VANGL1: variants seen among roughly 807,000 people sequenced by gnomAD.
The protein encoded by VANGL1 is VANGL planar cell polarity protein 1.
Under a neutral mutation model 48.4 loss-of-function variants are expected in VANGL1, and 18 were observed. That is an observed-to-expected ratio of 0.37 (90% CI 0.26 to 0.55). VANGL1 has a LOEUF of 0.55. Ranked by LOEUF, VANGL1 falls within the 20% of genes least tolerant of loss-of-function variation. VANGL1 has a pLI of 0.81. For missense variants in VANGL1, 667 were observed against 675.8 expected (o/e 0.99, Z 0.14); for synonymous variants, 257 against 261.8 (o/e 0.98, Z 0.18).
intron 2 of VANGL1, among the ~76,000 whole-genome samples, chr1:115,658,320 A>G (rs1470372271): frequency 6.6e-6 from 1 of 152,222 alleles, no homozygotes. Context: ...TTCTATTTAC[A>G]TCTCTTTCTC....
At chr1:115,654,691 C>CTCCTTCTGTT (rs1175311779) in intron 2 of VANGL1, among the ~76,000 whole-genome samples, 2 of 152,082 alleles carry the variant, frequency 1.3e-5, no homozygotes, top group African/African-American at 4.8e-5. Context: ...CTGCCCCGAG[C>CTCCTTCTGTT]TCCTTCTGTT....
intron 4 of VANGL1, 115 bp from the exon 5 acceptor site, chr1:115,682,249 A>T (rs994629397): frequency 2.1e-5 from 30 of 1,414,974 alleles, no homozygotes; most frequent in Non-Finnish European, 2.9e-5. Flanking sequence ...GGACTTCTGT[A>T]TGAGATTATC....
rs1654062927 is a variant in VANGL1 at position 115,697,172 on chromosome 1, C to T, written c.*5793C>T. 2 of 152,180 alleles carry T rather than the reference C, an allele frequency of 1.3e-5. No homozygotes were observed. Among genetic ancestry groups the T allele is most frequent in the Non-Finnish European group, 2.9e-5 (2 of 68,038 alleles). 9.4% of individuals were successfully genotyped at this position (152,180 alleles called of 1,614,324 possible). A position where few individuals can be genotyped will look rare whatever the true frequency, so the allele number is the denominator to read the frequency against. ...GGAGTTAGTGATGGGACTTGGGCAT[C>T]TGATCTGCAGGTGACAAGTTTAGTT... On this transcript the variant is annotated 3_prime_UTR_variant, in exon 8 of 8. Transcript: ENST00000355485.
chr1:115,690,471 G>A (rs1485282006), intron 7 of VANGL1, among the ~76,000 whole-genome samples: 5 of 152,244 alleles, frequency 3.3e-5, no homozygotes, highest in Non-Finnish European at 7.3e-5. Flanking sequence ...CTGGCCATGT[G>A]CACACTTAGC....
rs1445701821 is a variant in VANGL1 at position 115,694,389 on chromosome 1, A to G, written c.*3010A>G. 2 of 152,182 alleles carry G rather than the reference A, an allele frequency of 1.3e-5. No individual in the cohort carries two copies. The highest frequency in any genetic ancestry group is 2.9e-5 in the Non-Finnish European group (2 of 68,062). 9.4% of individuals were successfully genotyped at this position (152,182 alleles called of 1,614,324 possible). ...TGACCTGGTGTGTTTGCTGTGTTGT[A>G]GTTCATTGCCTGGGGCTTGGGACTC... On this transcript the variant is annotated 3_prime_UTR_variant, in exon 8 of 8. Coordinates refer to ENST00000355485, the MANE Select transcript of VANGL1 (RefSeq NM_138959.3).
chr1:115,659,469 C>A (rs376700843), intron 2 of VANGL1, among the ~76,000 whole-genome samples, 172 bp from the exon 3 acceptor site: 2 of 151,406 alleles, frequency 1.3e-5, no homozygotes, highest in African/African-American at 4.9e-5. Context: ...CAGTGTACCC[C>A]TTGAAGTGTG....
rs758570825 is a variant in VANGL1 at position 115,691,374 on chromosome 1, G to A, written c.1570G>A (p.Val524Ile). 2 of 1,613,086 alleles carry A rather than the reference G, an allele frequency of 1.2e-6. No homozygotes were observed. Among genetic ancestry groups the A allele is most frequent in the Non-Finnish European group, 1.7e-6 (2 of 1,179,816 alleles). The change falls in exon 8 of 8, where the codon GTT becomes ATT. Residue 524 changes from valine to isoleucine, a missense_variant. Coordinates refer to ENST00000355485, the MANE Select transcript of VANGL1 (RefSeq NM_138959.3). ...FVLRLQSETS[V>I] ...CCTTCGCTTACAGTCTGAGACATCC[G>A]TTTAAAAGTTCTATATTTGTGGCTT...
In VANGL1 at chr1:115,691,565, A is replaced by T; in HGVS notation, c.*186A>T. ...AGGAAGCAGGGGCTGTCCACCCTGA[A>T]AAAGAGTGACTGATGACATCTGACT... is the stretch of plus-strand genomic sequence containing the variant. On this transcript the variant is annotated 3_prime_UTR_variant, in exon 8 of 8. Coordinates refer to ENST00000355485, the MANE Select transcript of VANGL1 (RefSeq NM_138959.3). 1 of 644,802 alleles carries T rather than the reference A, an allele frequency of 1.6e-6. No homozygotes were observed. Among genetic ancestry groups the T allele is most frequent in the Non-Finnish European group, 2.5e-6 (1 of 398,582 alleles). 39.9% of individuals were successfully genotyped at this position (644,802 alleles called of 1,614,324 possible).
At chr1:115,664,423 G>T (rs985090938) in intron 4 of VANGL1, among the ~76,000 whole-genome samples, 155 bp downstream of exon 4, 1 of 152,172 alleles carries the variant, frequency 6.6e-6, no homozygotes, top group Non-Finnish European at 1.5e-5. Flanking sequence ...GGTGGGGAGG[G>T]TGTCCATGTT....
Position 115,687,701 on chromosome 1 carries a change from T to TTC in VANGL1, c.1314+2178_1314+2179dup, listed in dbSNP as rs1188616709. 6.5e-5 allele frequency among the ~76,000 whole-genome samples: 5 copies of TTC among 77,002 alleles called. 1 individual carries two copies. The South Asian group carries it at 1.7e-3, about 26-fold the overall frequency. 50.5% of individuals were successfully genotyped at this position (77,002 alleles called of 152,430 possible). A position where few individuals can be genotyped will look rare whatever the true frequency, so the allele number is the denominator to read the frequency against. On this transcript the variant is annotated intron_variant, in intron 7 of 7. Coordinates refer to ENST00000355485, the MANE Select transcript of VANGL1 (RefSeq NM_138959.3). ...CAGAAATTGGGTCATTGCTCTCTCT[T>TTC]TCTCTGTGTGTGTGTGTGTGTGTGT...
At position 115,689,320 on chromosome 1, in the gene VANGL1, G is replaced by A. The variant is rs900718506; in HGVS notation, c.1315-1799G>A. Among the ~76,000 whole-genome samples the A allele has an allele frequency of 1.0e-4, 14 of 136,578 alleles. 4 individuals are homozygous for A. The highest frequency in any genetic ancestry group is 3.9e-4 in the African/African-American group (14 of 36,224). 89.6% of individuals were successfully genotyped at this position (136,578 alleles called of 152,430 possible). Reference sequence around the variant, plus strand: ...TGAAAAAAATATATACCTGGCAGTAGCAGCAGGGTGTGAATAAAAGAGGAT... The same window carrying A: ...TGAAAAAAATATATACCTGGCAGTAACAGCAGGGTGTGAATAAAAGAGGAT... On this transcript the variant is annotated intron_variant, in intron 7 of 7. Coordinates refer to ENST00000355485, the MANE Select transcript of VANGL1 (RefSeq NM_138959.3).
chr1:115,655,423 G>A (rs1652307592), intron 2 of VANGL1, among the ~76,000 whole-genome samples: 1 of 152,232 alleles, frequency 6.6e-6, no homozygotes, highest in Admixed American at 6.5e-5. Context: ...TCACACACGT[G>A]TGGTGCAGAC....
chr1:115,651,317 A>T lies in VANGL1; in HGVS notation c.-97A>T. On this transcript the variant is annotated 5_prime_UTR_variant, in exon 2 of 8. Coordinates refer to ENST00000355485, the MANE Select transcript of VANGL1 (RefSeq NM_138959.3). ...AAGAGTGGCTCCTCTTCTAATTTCCAGACTCCTTGAGGTTTTAGGAGTCTG... is the reference window on the plus strand; with the variant it reads ...AAGAGTGGCTCCTCTTCTAATTTCCTGACTCCTTGAGGTTTTAGGAGTCTG... 9.6e-7 allele frequency: 1 copy of T among 1,037,002 alleles called. No homozygotes were observed. The highest frequency in any genetic ancestry group is 1.5e-6 in the Non-Finnish European group (1 of 680,226). The allele number at this position is 1,037,002 out of a possible 1,614,324, so 64.2% of individuals were successfully genotyped here.
chr1:115,685,912 T>A (rs917643142), intron 7 of VANGL1, among the ~76,000 whole-genome samples: 4 of 152,098 alleles, frequency 2.6e-5, no homozygotes, highest in African/African-American at 9.7e-5. Flanking sequence ...CTCAGTTTCC[T>A]AACCTGTTAA....
chr1:115,683,945 C>T lies in VANGL1; in HGVS notation c.948C>T (p.Gly316=). The change falls in exon 6 of 8, where the codon GGC becomes GGT. Residue 316 remains glycine (G), a splice_region_variant and synonymous_variant. Transcript: ENST00000355485. Reference sequence around the variant, plus strand: ...TCTTTCACTGTCCTTTCCCCAAAGGCCCCAGTAACAATGCCACTGGCCAGT... The same window carrying T: ...TCTTTCACTGTCCTTTCCCCAAAGGTCCCAGTAACAATGCCACTGGCCAGT... The part of the protein sequence containing the change: ...MAGLKVYNVD[G]PSNNATGQSR... The T allele has an allele frequency of 6.2e-7, 1 of 1,613,332 alleles. No homozygotes were observed. The highest frequency in any genetic ancestry group is 8.5e-7 in the Non-Finnish European group (1 of 1,179,560).
chr1:115,647,574 A>G (rs1464925513), intron 1 of VANGL1, among the ~76,000 whole-genome samples: 1 of 152,206 alleles, frequency 6.6e-6, no homozygotes, highest in Non-Finnish European at 1.5e-5. Context: ...GGATAGGATA[A>G]GAGTTGGTAA....
chr1:115,651,265 C>T lies in VANGL1; in HGVS notation c.-137-12C>T. 1 of 673,712 alleles carries T rather than the reference C, an allele frequency of 1.5e-6. No homozygotes were observed. Among genetic ancestry groups the T allele is most frequent in the South Asian group, 1.7e-5 (1 of 58,720 alleles). The allele number at this position is 673,712 out of a possible 1,614,324, so 41.7% of individuals were successfully genotyped here. ...GAAGATTAATGTCTTTTTTTTTCCCCCTCTTTCCCAGAATTTGTTCCTGTT... is the reference window on the plus strand; with the variant it reads ...GAAGATTAATGTCTTTTTTTTTCCCTCTCTTTCCCAGAATTTGTTCCTGTT... On this transcript the variant is annotated splice_polypyrimidine_tract_variant and intron_variant, in intron 1 of 7. Coordinates refer to ENST00000355485, the MANE Select transcript of VANGL1 (RefSeq NM_138959.3).
rs994191240 is a variant in VANGL1 at position 115,658,465 on chromosome 1, G to A, written c.72-1176G>A. On this transcript the variant is annotated intron_variant, in intron 2 of 7. Coordinates refer to ENST00000355485, the MANE Select transcript of VANGL1 (RefSeq NM_138959.3). The stretch of plus-strand genomic sequence containing the variant: ...TACTGAGCACTACTTACATTATGTG[G>A]TGTTGTCATTGTCACCATTTCATAC... Among the ~76,000 whole-genome samples, 5 of 152,178 alleles carry A rather than the reference G, an allele frequency of 3.3e-5. No individual in the cohort carries two copies. In the East Asian group the frequency reaches 5.8e-4, roughly 18 times the overall value.
intron 1 of VANGL1, 45 bp downstream of exon 1, chr1:115,642,131 G>A (rs1395491052): frequency 6.6e-6 from 1 of 151,742 alleles, no homozygotes; most frequent in Non-Finnish European, 1.5e-5. Flanking sequence ...GCGGTCCCCG[G>A]GGCAGACCGT....
Sources: allele counts gnomAD v4.1 joint callset (sites outside exome capture counted in the v4.1 genomes callset), GRCh38; gene constraint gnomAD v4.1.1; transcripts MANE v1.5; gene names NCBI Gene and HGNC (gene_info 2026-07-23, HGNC 2026-07-21).